PCDH7: variants seen among roughly 807,000 people sequenced by gnomAD.
PCDH7 encodes the protein protocadherin-7.
PCDH7 carries 17 observed loss-of-function variants against 58.9 expected under a neutral mutation model. That is an observed-to-expected ratio of 0.29 (90% confidence interval 0.20 to 0.43). The LOEUF is 0.43. Ranked by LOEUF, PCDH7 falls within the 20% of genes least tolerant of loss-of-function variation. PCDH7 has a pLI of 1.00. For missense variants in PCDH7, 1,274 were observed against 1,441.0 expected, an observed-to-expected ratio of 0.88 and a Z score of 1.88; for synonymous variants, 664 against 616.4, an observed-to-expected ratio of 1.08 and a Z score of -1.14.
chr4:31,121,226 C>T (rs1717656300), intron 3 of PCDH7, among the ~76,000 whole-genome samples: 1 of 152,124 alleles, frequency 6.6e-6, no homozygotes, highest in Non-Finnish European at 1.5e-5. Flanking sequence ...TTTAACCAAA[C>T]TTGATTTAGG....
chr4:31,128,743 C>T (rs1018131160), intron 3 of PCDH7, among the ~76,000 whole-genome samples: 3 of 152,180 alleles, frequency 2.0e-5, no homozygotes, highest in Admixed American at 2.0e-4. Flanking sequence ...CTACTGACAG[C>T]ACCCTGCTCC....
At chr4:31,016,809 ATGTGTGTGTGCTCGGTG>A (rs1753642692) in intron 3 of PCDH7, among the ~76,000 whole-genome samples, 1 of 147,398 alleles carries the variant, frequency 6.8e-6, no homozygotes, top group Non-Finnish European at 1.5e-5. Flanking sequence ...GCGTGTGTGC[ATGTGTGTGTGCTCGGTG>A]TGTGTGTGTG....
At chr4:30,724,883 A>G in intron 1 of PCDH7, 1 of 1,197,572 alleles carries the variant, frequency 8.4e-7, no homozygotes. Context: ...AATTCATACT[A>G]CATTTTTTTG....
intron 2 of PCDH7, among the ~76,000 whole-genome samples, chr4:30,947,550 A>G (rs1045337788): frequency 7.9e-5 from 12 of 152,284 alleles, no homozygotes; most frequent in Middle Eastern, 3.4e-3. Flanking sequence ...TCTCTACTCT[A>G]TCAATTCTTG....
chr4:31,059,593 TA>T (rs1015885825), intron 3 of PCDH7, among the ~76,000 whole-genome samples: 12 of 151,862 alleles, frequency 7.9e-5, no homozygotes, highest in African/African-American at 2.9e-4. Context: ...GAACACATAG[TA>T]AAAGAATATG....
At chr4:30,876,305 T>C (rs997607041) in intron 1 of PCDH7, among the ~76,000 whole-genome samples, 3 of 151,964 alleles carry the variant, frequency 2.0e-5, no homozygotes, top group African/African-American at 7.3e-5. Context: ...ATATTAAATG[T>C]GTATTTATTT....
chr4:31,096,836 G>C (rs1172917418), intron 3 of PCDH7, among the ~76,000 whole-genome samples: 1 of 151,822 alleles, frequency 6.6e-6, no homozygotes, highest in African/African-American at 2.4e-5. Context: ...AGACAAACAA[G>C]CCAAAAAAAG....
At chr4:31,045,911 G>A (rs1299569167) in intron 3 of PCDH7, among the ~76,000 whole-genome samples, 1 of 151,980 alleles carries the variant, frequency 6.6e-6, no homozygotes, top group East Asian at 1.9e-4. Flanking sequence ...AATTTCAGTA[G>A]CATCCTCCAG....
At chr4:31,054,678 A>G (rs1757008505) in intron 3 of PCDH7, among the ~76,000 whole-genome samples, 1 of 152,198 alleles carries the variant, frequency 6.6e-6, no homozygotes, top group Non-Finnish European at 1.5e-5. Flanking sequence ...GAATACCATG[A>G]AATCAACTAA....
intron 3 of PCDH7, among the ~76,000 whole-genome samples, chr4:31,019,404 T>C (rs1753851952): frequency 1.3e-5 from 2 of 152,132 alleles, no homozygotes; most frequent in Admixed American, 1.3e-4. Flanking sequence ...ATGATTAGCC[T>C]ACAGAAATAG....
chr4:31,124,271 T>C (rs928318349), intron 3 of PCDH7, among the ~76,000 whole-genome samples: 4 of 152,210 alleles, frequency 2.6e-5, no homozygotes, highest in Admixed American at 6.6e-5. Flanking sequence ...TATACCATAA[T>C]GCTAAGCACT....
At chr4:30,991,663 C>T (rs1044187449) in intron 3 of PCDH7, among the ~76,000 whole-genome samples, 2 of 152,036 alleles carry the variant, frequency 1.3e-5, no homozygotes, top group Non-Finnish European at 2.9e-5. Flanking sequence ...AAATTGACAC[C>T]AAAGAATAAA....
At position 30,968,376 on chromosome 4, in the gene PCDH7, C is replaced by A. The variant is rs1241365658; in HGVS notation, c.*7+18161C>A. On this transcript the variant is annotated intron_variant, in intron 3 of 3. Transcript: ENST00000509759. ...TACACACACTATATATATACACACA[C>A]TATATATATATATATATATATATAT... is the stretch of plus-strand genomic sequence containing the variant. 7.6e-4 allele frequency among the ~76,000 whole-genome samples: 51 copies of A among 66,978 alleles called. 2 individuals carry two copies. The highest frequency in any genetic ancestry group is 2.6e-3 in the African/African-American group (37 of 14,196). 43.9% of individuals were successfully genotyped at this position (66,978 alleles called of 152,430 possible).
intron 1 of PCDH7, among the ~76,000 whole-genome samples, chr4:30,913,954 T>C (rs1358090222): frequency 6.6e-6 from 1 of 152,216 alleles, no homozygotes. Flanking sequence ...GAGATTAGTT[T>C]CATTCAGAAA....
intron 3 of PCDH7, among the ~76,000 whole-genome samples, chr4:31,001,000 AGGAATGTAAGTGGC>A (rs58550561): frequency 0.21 from 31,918 of 152,006 alleles, 6,577 homozygotes; most frequent in African/African-American, 0.53. Context: ...CGGGGAAACT[AGGAATGTAAGTGGC>A]GGCAGTGTGG....
chr4:30,947,408 T>A (rs986777294), intron 2 of PCDH7, among the ~76,000 whole-genome samples: 2 of 152,164 alleles, frequency 1.3e-5, no homozygotes, highest in African/African-American at 2.4e-5. Flanking sequence ...TTGTTATTGT[T>A]ACCAGGTGAA....
At chr4:31,045,773 G>A (rs1038921955) in intron 3 of PCDH7, among the ~76,000 whole-genome samples, 1 of 151,878 alleles carries the variant, frequency 6.6e-6, no homozygotes, top group African/African-American at 2.4e-5. Flanking sequence ...TGCCTTTTGA[G>A]GACAAGTTTG....
intron 3 of PCDH7, among the ~76,000 whole-genome samples, chr4:30,969,879 A>T (rs890719410): frequency 8.5e-5 from 13 of 152,202 alleles, no homozygotes; most frequent in African/African-American, 3.1e-4. Flanking sequence ...TTATCTTACT[A>T]AGCCTCTCTT....
intron 1 of PCDH7, among the ~76,000 whole-genome samples, chr4:30,893,962 TAA>T (rs909426304): frequency 5.3e-5 from 8 of 152,116 alleles, no homozygotes; most frequent in African/African-American, 1.9e-4. Flanking sequence ...CACCAATGGC[TAA>T]AGCCATTCAT....
Sources: allele counts gnomAD v4.1 joint callset (sites outside exome capture counted in the v4.1 genomes callset), GRCh38; gene constraint gnomAD v4.1.1; transcripts MANE v1.5; gene names NCBI Gene and HGNC (gene_info 2026-07-23, HGNC 2026-07-21).